Variants in PASK observed in about 807,000 individuals in gnomAD.
PASK encodes PAS domain-containing serine/threonine-protein kinase.
A neutral mutation model predicts 121.0 loss-of-function variants in PASK; 110 were observed. The observed-to-expected ratio is 0.91, with a 90% CI of 0.78 to 1.06. The LOEUF (loss-of-function observed/expected upper bound fraction) is 1.06, where lower values mean the gene tolerates loss of function less well. Among genes scored for constraint, PASK ranks in the 50% least tolerant of loss-of-function variants. PASK has a pLI of 0.00. For synonymous variants in PASK, 686 were observed against 717.8 expected (o/e 0.96, Z 0.71); for missense variants, 1,643 against 1,702.3 (o/e 0.97, Z 0.61).
intron 14 of PASK, chr2:241,114,522 TCA>T: frequency 1.0e-6 from 1 of 1,004,840 alleles, no homozygotes; most frequent in Non-Finnish European, 1.2e-6. Context: ...ATTTGGATCA[TCA>T]CTCTCCCATT....
chr2:241,145,164 C>T (rs534436682), intron 1 of PASK, among the ~76,000 whole-genome samples: 4 of 152,282 alleles, frequency 2.6e-5, no homozygotes, highest in Admixed American at 6.5e-5. Context: ...CCACCTGCTG[C>T]GGCCTCCCAA....
intron 9 of PASK, 83 bp downstream of exon 9, chr2:241,132,791 C>CATTT: frequency 8.7e-7 from 1 of 1,155,078 alleles, no homozygotes; most frequent in South Asian, 1.2e-5. Flanking sequence ...ATAGGCTGAA[C>CATTT]ATTTCTCTCT....
chr2:241,125,404 T>C (rs148039150), intron 10 of PASK, among the ~76,000 whole-genome samples: 2 of 151,080 alleles, frequency 1.3e-5, no homozygotes, highest in African/African-American at 4.9e-5. Flanking sequence ...AACGAGACCA[T>C]CCTGGCTAAC....
intron 17 of PASK, among the ~76,000 whole-genome samples, chr2:241,106,959 T>G (rs565108544): frequency 6.6e-6 from 1 of 152,194 alleles, no homozygotes; most frequent in African/African-American, 2.4e-5. Flanking sequence ...GCCAGAGCCT[T>G]GTCTGAAGAG....
At chr2:241,107,262 CT>C in intron 17 of PASK, 90 bp downstream of exon 17, 1 of 1,148,116 alleles carries the variant, frequency 8.7e-7, no homozygotes, top group Non-Finnish European at 1.3e-6. Context: ...AGAGAGCCTC[CT>C]TTTCCTCCTT....
intron 9 of PASK, among the ~76,000 whole-genome samples, chr2:241,128,001 C>T (rs745884902): frequency 1.8e-4 from 28 of 152,352 alleles, no homozygotes; most frequent in East Asian, 3.9e-4. Context: ...GCCAGGGGGC[C>T]GGGCGTGGTG....
intron 9 of PASK, among the ~76,000 whole-genome samples, chr2:241,130,937 T>C (rs1362070516): frequency 2.6e-5 from 4 of 152,182 alleles, no homozygotes; most frequent in South Asian, 2.1e-4. Context: ...AGCAGTTACA[T>C]GTGAGCACAC....
chr2:241,112,339 A>G lies in PASK; in HGVS notation c.3434T>C (p.Ile1145Thr), dbSNP rs781012525. The G allele has an allele frequency of 3.1e-6, 5 of 1,613,624 alleles. No individual in the cohort carries two copies. Among genetic ancestry groups the G allele is most frequent in the Admixed American group, 3.3e-5 (2 of 60,002 alleles). The change falls in exon 15 of 18, where the codon ATA becomes ACA. Residue 1145 changes from isoleucine (I) to threonine (T), a missense_variant. Coordinates refer to ENST00000234040, the MANE Select transcript of PASK (RefSeq NM_015148.4). The surrounding 1 kb of genome is among the most constrained non-coding windows in gnomAD (Gnocchi z 5.2). ...CAAGTAGGCGGCCGAGCCAAAGTCT[A>G]TCAGCTTGATTGTGAAGTCCTCGGC... ...VIAEDFTIKL[I>T]DFGSAAYLER...
At chr2:241,148,804 C>A (rs2067107925) in intron 1 of PASK, among the ~76,000 whole-genome samples, 1 of 152,134 alleles carries the variant, frequency 6.6e-6, no homozygotes, top group Admixed American at 6.5e-5. Context: ...GAGGGAACCC[C>A]TAAGAGAAAA....
rs140205085 is a variant in PASK at position 241,126,958 on chromosome 2, C to T, written c.1957G>A (p.Asp653Asn). 109 of 1,614,072 alleles carry T rather than the reference C, an allele frequency of 6.8e-5. No individual in the cohort carries two copies. Among genetic ancestry groups the T allele is most frequent in the South Asian group, 2.5e-4 (23 of 91,068 alleles). Residue 653 changes from aspartate to asparagine, a missense_variant, in exon 10 of 18, where the codon GAC becomes AAC. Transcript: ENST00000234040. ...AAGCAGGTCTGCAGCTCTTCTCGGT[C>T]GTTTTCCACTCCCAGCCACGGCTCA... ...LDEPWLGVEN[D>N]REELQTCLIK...
chr2:241,149,680 G>A (rs558485706), upstream of PASK: 7 of 1,548,710 alleles, frequency 4.5e-6, no homozygotes, highest in East Asian at 9.6e-5. Context: ...GGGCAGATGC[G>A]GTTTCCTCCC....
upstream of PASK, chr2:241,149,833 G>A (rs1406067014): frequency 2.0e-6 from 3 of 1,507,544 alleles, no homozygotes; most frequent in Admixed American, 4.3e-5. Context: ...ACTGGGCTGG[G>A]AACGACTTGC....
chr2:241,139,449 GA>G (rs1379731392), intron 4 of PASK: 3 of 461,076 alleles, frequency 6.5e-6, no homozygotes, highest in Non-Finnish European at 1.4e-5. Context: ...ACAGGTGAGA[GA>G]ATCAACACTG....
chr2:241,107,369 A>G lies in PASK; in HGVS notation c.3798T>C (p.Phe1266=), dbSNP rs2064930357. 6.2e-7 allele frequency: 1 copy of G among 1,613,880 alleles called. No individual in the cohort carries two copies. Among genetic ancestry groups the G allele is most frequent in the Non-Finnish European group, 8.5e-7 (1 of 1,179,824 alleles). The change falls in exon 17 of 18, where the codon TTT becomes TTC. Residue 1266 remains phenylalanine (F), a synonymous_variant. Transcript: ENST00000234040. ...AAGCCTCACCTGGCTTGTTTACTCG[A>G]AACACCTCTTCCCATGTATAGTCAG... ...NLADYTWEEV[F]RVNKPESGVL...
At chr2:241,140,876 GTCT>G (rs1156279129) in intron 2 of PASK, 123 bp from the exon 3 acceptor site, 1 of 722,946 alleles carries the variant, frequency 1.4e-6, no homozygotes, top group African/African-American at 1.7e-5. Context: ...GATTAAGTCA[GTCT>G]GCACAGCTAA....
chr2:241,138,734 G>A lies in PASK; in HGVS notation c.661C>T (p.Arg221Trp), dbSNP rs377417785. The A allele has an allele frequency of 4.3e-6, 7 of 1,613,894 alleles. No individual in the cohort carries two copies. Among genetic ancestry groups the A allele is most frequent in the Admixed American group, 1.7e-5 (1 of 60,028 alleles). ...IPVSVWMKRM[R>W]QERRLCCVVV... Reference sequence around the variant, plus strand: ...ACGCAGCATAGGCGGCGCTCCTGCCGCATCCTCTTCATCCACACAGACACT... The same window carrying A: ...ACGCAGCATAGGCGGCGCTCCTGCCACATCCTCTTCATCCACACAGACACT... Residue 221 changes from arginine to tryptophan, a missense_variant, in exon 5 of 18, where the codon CGG becomes TGG. Transcript: ENST00000234040.
intron 14 of PASK, chr2:241,114,709 G>A (rs183255222): frequency 7.5e-7 from 1 of 1,328,922 alleles, no homozygotes; most frequent in East Asian, 3.0e-5. Context: ...ACATGCCTTT[G>A]AGACGCTCTC....
At position 241,106,408 on chromosome 2, in the gene PASK, G is replaced by C; in HGVS notation, c.*158C>G. The C allele has an allele frequency of 1.3e-6, 1 of 764,454 alleles. No individual in the cohort carries two copies. 47.4% of individuals were successfully genotyped at this position (764,454 alleles called of 1,614,324 possible). A position where few individuals can be genotyped will look rare whatever the true frequency, so the allele number is the denominator to read the frequency against. On this transcript the variant is annotated 3_prime_UTR_variant, in exon 18 of 18. Coordinates refer to ENST00000234040, the MANE Select transcript of PASK (RefSeq NM_015148.4). Reference sequence around the variant, plus strand: ...TATGTAATAAATCTAAAATAATACAGCATCACTGTCTTCTGTTCTGGTGTT... The same window carrying C: ...TATGTAATAAATCTAAAATAATACACCATCACTGTCTTCTGTTCTGGTGTT...
At chr2:241,117,467 G>A (rs1414333123) in intron 12 of PASK, among the ~76,000 whole-genome samples, 1 of 152,224 alleles carries the variant, frequency 6.6e-6, no homozygotes, top group Non-Finnish European at 1.5e-5. Flanking sequence ...GGAGACAAGA[G>A]GGCAGGCTCC....
Sources: allele counts gnomAD v4.1 joint callset (sites outside exome capture counted in the v4.1 genomes callset), GRCh38; gene constraint gnomAD v4.1.1; non-coding constraint Gnocchi (gnomAD v3.1); transcripts MANE v1.5; gene names NCBI Gene and HGNC (gene_info 2026-07-23, HGNC 2026-07-21).